The following SLC2A13 variants were observed in gnomAD, a reference collection of about 807,000 sequenced individuals.
SLC2A13 encodes solute carrier family 2 member 13.
In SLC2A13, 32 loss-of-function variants were observed where a neutral mutation model predicts 64.4. The observed-to-expected ratio is 0.50, with a 90% CI of 0.37 to 0.67. The LOEUF (loss-of-function observed/expected upper bound fraction) is 0.67. Among genes scored for constraint, SLC2A13 ranks in the 30% least tolerant of loss-of-function variants. SLC2A13 has a pLI of 0.00. For missense variants in SLC2A13, 743 were observed against 829.2 expected (o/e 0.90, Z 1.28); for synonymous variants, 338 against 327.1 (o/e 1.03, Z -0.36).
At chr12:39,981,279 G>A (rs1309494488) in intron 3 of SLC2A13, among the ~76,000 whole-genome samples, 1 of 150,912 alleles carries the variant, frequency 6.6e-6, no homozygotes, top group Non-Finnish European at 1.5e-5. Flanking sequence ...AAAAGCAAGA[G>A]CAAACACATT....
intron 4 of SLC2A13, among the ~76,000 whole-genome samples, chr12:39,872,516 A>G (rs1944083765): frequency 6.6e-6 from 1 of 152,198 alleles, no homozygotes; most frequent in South Asian, 2.1e-4. Context: ...GACCCATGAG[A>G]ATCATTTATG....
intron 6 of SLC2A13, among the ~76,000 whole-genome samples, chr12:39,860,293 T>A (rs1296798919): frequency 6.6e-6 from 1 of 152,204 alleles, no homozygotes; most frequent in African/African-American, 2.4e-5. Flanking sequence ...CATGAATAGC[T>A]TATGATTCTA....
intron 7 of SLC2A13, among the ~76,000 whole-genome samples, chr12:39,796,802 C>A (rs908456614): frequency 6.6e-6 from 1 of 152,140 alleles, no homozygotes; most frequent in African/African-American, 2.4e-5. Context: ...CATTCTCCTG[C>A]TAGATGGTTT....
At chr12:39,803,204 CAAA>C (rs369226817) in intron 7 of SLC2A13, among the ~76,000 whole-genome samples, 6 of 73,728 alleles carry the variant, frequency 8.1e-5, no homozygotes, top group African/African-American at 1.8e-4. Flanking sequence ...GAAGCAAATG[CAAA>C]AAAAAAAAAA....
intron 5 of SLC2A13, among the ~76,000 whole-genome samples, chr12:39,866,468 T>G (rs1265508058): frequency 6.6e-6 from 1 of 152,212 alleles, no homozygotes. Context: ...ATTTTAAATG[T>G]CATAATGTAT....
chr12:39,846,640 TG>T (rs1943321355), intron 6 of SLC2A13, among the ~76,000 whole-genome samples: 1 of 151,990 alleles, frequency 6.6e-6, no homozygotes, highest in African/African-American at 2.4e-5. Flanking sequence ...TTTGGAGAAA[TG>T]GGATTTTGCC....
At chr12:39,965,608 C>T (rs1946496505) in intron 3 of SLC2A13, among the ~76,000 whole-genome samples, 1 of 152,108 alleles carries the variant, frequency 6.6e-6, no homozygotes, top group African/African-American at 2.4e-5. Flanking sequence ...CAGTGACATA[C>T]ACTAGTGAGG....
intron 3 of SLC2A13, among the ~76,000 whole-genome samples, chr12:39,994,502 C>T (rs1947195031): frequency 6.6e-6 from 1 of 152,012 alleles, no homozygotes; most frequent in African/African-American, 2.4e-5. Flanking sequence ...AAAAACATAC[C>T]CATATCACTA....
chr12:39,902,475 T>G (rs1945153530), intron 4 of SLC2A13, among the ~76,000 whole-genome samples: 1 of 152,122 alleles, frequency 6.6e-6, no homozygotes, highest in Non-Finnish European at 1.5e-5. Context: ...CAGTTCATAC[T>G]TCTTGTAATA....
chr12:39,947,204 G>A (rs1946150757), intron 4 of SLC2A13, among the ~76,000 whole-genome samples: 1 of 152,170 alleles, frequency 6.6e-6, no homozygotes, highest in Admixed American at 6.5e-5. Context: ...AAGACCAAAT[G>A]CCCCAGAGAA....
chr12:39,836,135 A>G, intron 6 of SLC2A13, among the ~76,000 whole-genome samples: 1 of 152,120 alleles, frequency 6.6e-6, no homozygotes. Flanking sequence ...AAAGGACATT[A>G]CAATATTTAG....
intron 7 of SLC2A13, among the ~76,000 whole-genome samples, chr12:39,784,266 A>C (rs1416124444): frequency 6.6e-6 from 1 of 152,206 alleles, no homozygotes; most frequent in East Asian, 1.9e-4. Flanking sequence ...CGCATTGCCA[A>C]GTCAATCCTA....
At chr12:39,891,936 G>A (rs1055336789) in intron 4 of SLC2A13, among the ~76,000 whole-genome samples, 2 of 152,126 alleles carry the variant, frequency 1.3e-5, no homozygotes, top group African/African-American at 4.8e-5. Context: ...ACCATAGGAG[G>A]AGAATAATCC....
intron 2 of SLC2A13, among the ~76,000 whole-genome samples, chr12:40,033,897 C>T (rs1947940090): frequency 6.6e-6 from 1 of 152,068 alleles, no homozygotes. Context: ...TCTCTGCATC[C>T]CAAAGGTTTC....
intron 6 of SLC2A13, among the ~76,000 whole-genome samples, chr12:39,848,779 C>T (rs930148768): frequency 1.3e-5 from 2 of 152,120 alleles, no homozygotes; most frequent in African/African-American, 4.8e-5. Context: ...CATAAATGCC[C>T]TTCAATGAAA....
intron 3 of SLC2A13, among the ~76,000 whole-genome samples, chr12:39,969,020 T>C (rs1946591057): frequency 6.6e-6 from 1 of 151,976 alleles, no homozygotes; most frequent in Non-Finnish European, 1.5e-5. Flanking sequence ...CATTGTTCAA[T>C]TCCCATCTAT....
At chr12:39,823,823 G>A (rs1942591167) in intron 7 of SLC2A13, among the ~76,000 whole-genome samples, 2 of 152,132 alleles carry the variant, frequency 1.3e-5, no homozygotes, top group Admixed American at 6.5e-5. Context: ...ATATACTGAA[G>A]CACATGGTTA....
chr12:40,075,318 C>G (rs1007293015), intron 1 of SLC2A13, among the ~76,000 whole-genome samples: 13 of 152,144 alleles, frequency 8.5e-5, no homozygotes, highest in African/African-American at 3.1e-4. Context: ...TTTTCCTATA[C>G]AAGCAATGTT....
chr12:39,818,566 G>A (rs1290916790), intron 7 of SLC2A13, among the ~76,000 whole-genome samples: 1 of 152,092 alleles, frequency 6.6e-6, no homozygotes, highest in Non-Finnish European at 1.5e-5. Context: ...AGTAGCTTAT[G>A]TGACATAGCC....
Sources: gnomAD v4.1 joint callset for allele counts (sites outside exome capture counted in the v4.1 genomes callset) on GRCh38, gnomAD v4.1.1 for gene constraint, MANE v1.5 for transcripts, NCBI Gene and HGNC (gene_info 2026-07-23, HGNC 2026-07-21) for gene names.